The following ZNF287 variants were observed in gnomAD, a reference collection of about 807,000 sequenced individuals.
The protein encoded by ZNF287 is zinc finger protein with KRAB and SCAN domains 13.
ZNF287 carries 31 observed loss-of-function variants against 73.7 expected under a neutral mutation model. The observed-to-expected ratio is 0.42, with a 90% confidence interval of 0.32 to 0.57. ZNF287 has a LOEUF of 0.57. Ranked by LOEUF, ZNF287 falls within the 20% of genes least tolerant of loss-of-function variation. The probability of loss-of-function intolerance (pLI) is 0.13; values close to 1 mark genes in which losing one functional copy is unlikely to be tolerated. For missense variants in ZNF287, 641 were observed against 909.3 expected (o/e 0.70, Z 3.79); for synonymous variants, 301 against 307.2 (o/e 0.98, Z 0.21).
chr17:16,567,959 A>G (rs908998227), intron 1 of ZNF287, 30 bp from the exon 2 acceptor site: 1 of 1,397,896 alleles, frequency 7.2e-7, no homozygotes, highest in Admixed American at 3.1e-5. Context: ...CACAAGGTCA[A>G]GAATCCCTGG....
At chr17:16,561,068 C>A (rs1907424139) in intron 5 of ZNF287, among the ~76,000 whole-genome samples, 1 of 151,942 alleles carries the variant, frequency 6.6e-6, no homozygotes, top group African/African-American at 2.4e-5. Flanking sequence ...GTAATCTCAG[C>A]ACTTTGGGAG....
chr17:16,558,320 G>C (rs947127017), intron 5 of ZNF287: 5 of 150,422 alleles, frequency 3.3e-5, no homozygotes, highest in Non-Finnish European at 5.9e-5. Flanking sequence ...TTTTCTTTGA[G>C]ACAGTCTTAC....
intron 3 of ZNF287, 86 bp downstream of exon 3, chr17:16,566,439 G>T: frequency 9.3e-7 from 1 of 1,080,906 alleles, no homozygotes; most frequent in Non-Finnish European, 1.4e-6. Flanking sequence ...GAGCTTCTGG[G>T]GGCACAGTAG....
chr17:16,550,956 CTGTT>C lies in ZNF287; in HGVS notation c.*896_*899del, dbSNP rs928599658. Among the ~76,000 whole-genome samples the C allele has an allele frequency of 1.5e-4, 23 of 152,250 alleles. No individual in the cohort carries two copies. The highest frequency in any genetic ancestry group is 5.5e-4 in the African/African-American group (23 of 41,544). On this transcript the variant is annotated 3_prime_UTR_variant, in exon 6 of 6. Transcript: ENST00000395825. ...TAAGCTTGAGGCATTTAATTTTTGCCTGTTTAACTAAATCTCTACACATCTAATG... is the reference window on the plus strand; with the variant it reads ...TAAGCTTGAGGCATTTAATTTTTGCCTAACTAAATCTCTACACATCTAATG...
chr17:16,562,954 G>C (rs997210246), intron 5 of ZNF287, among the ~76,000 whole-genome samples, 192 bp downstream of exon 5: 15 of 152,202 alleles, frequency 9.9e-5, no homozygotes, highest in Admixed American at 4.6e-4. Flanking sequence ...GGAAAAGTGT[G>C]TTAACAGTGA....
rs1452608700 is a variant in ZNF287 at position 16,567,544 on chromosome 17, G to A, written c.188C>T (p.Pro63Leu). 1 of 1,614,174 alleles carries A rather than the reference G, an allele frequency of 6.2e-7. No homozygotes were observed. The highest frequency in any genetic ancestry group is 8.5e-7 in the Non-Finnish European group (1 of 1,180,038). ...TCGGAGTTGACTCAATGCCTTTCGA[G>A]GACCAGCCAGGTCTGGGTATGGAAA... ...RNFPYPDLAG[P>L]RKALSQLREL... Residue 63 changes from proline to leucine, a missense_variant, in exon 2 of 6, where the codon CCT becomes CTT. Pro to Leu is a moderately conservative substitution (Grantham distance 98). This residue lies in a region of ZNF287 where 357 missense variants were observed against 442.4 expected (regional missense o/e 0.81). Coordinates refer to ENST00000395825, the MANE Select transcript of ZNF287 (RefSeq NM_020653.4).
intron 5 of ZNF287, among the ~76,000 whole-genome samples, chr17:16,557,315 A>G (rs899035154): frequency 9.9e-5 from 15 of 152,188 alleles, no homozygotes; most frequent in Admixed American, 3.3e-4. Flanking sequence ...GAGGAGATTA[A>G]TGTTGACTCA....
At position 16,560,411 on chromosome 17, in the gene ZNF287, A is replaced by G. The variant is rs1907361146; in HGVS notation, c.715+2735T>C. 4.0e-5 allele frequency among the ~76,000 whole-genome samples: 6 copies of G among 150,046 alleles called. 1 individual carries two copies. Among genetic ancestry groups the G allele is most frequent in the Admixed American group, 1.3e-4 (2 of 15,048 alleles). ...GTTGCCCAGGCTGGAGTGCAGTGGC[A>G]CAATCTTGGCTCACTGCAACCCCCG... On this transcript the variant is annotated intron_variant, in intron 5 of 5. Transcript: ENST00000395825.
intron 5 of ZNF287, among the ~76,000 whole-genome samples, chr17:16,562,555 G>A (rs528091019): frequency 2.0e-5 from 3 of 152,256 alleles, no homozygotes; most frequent in Admixed American, 1.3e-4. Context: ...TTGACATGCT[G>A]TTATGACAGC....
chr17:16,550,169 C>T lies in ZNF287; in HGVS notation c.*1687G>A, dbSNP rs973531488. ...GTTTTCCTTTTGAGACCCACAAACC[C>T]AGTTATCATTGTTTAATGATTACTG... On this transcript the variant is annotated 3_prime_UTR_variant, in exon 6 of 6. Transcript: ENST00000395825. Among the ~76,000 whole-genome samples the T allele has an allele frequency of 2.0e-5, 3 of 152,138 alleles. No homozygotes were observed. Among genetic ancestry groups the T allele is most frequent in the Admixed American group, 2.0e-4 (3 of 15,284 alleles).
At position 16,553,156 on chromosome 17, in the gene ZNF287, A is replaced by G; in HGVS notation, c.986T>C (p.Val329Ala). The stretch of plus-strand genomic sequence containing the variant: ...ATTATCTAATTGGGTATCAAACTGT[A>G]CAATTAGGTTTGAATGCTTTTCAAA... ...NNFEKHSNLI[V>A]QFDTQLDNKT... The change falls in exon 6 of 6, where the codon GTA becomes GCA. Residue 329 changes from valine to alanine, a missense_variant. Coordinates refer to ENST00000395825, the MANE Select transcript of ZNF287 (RefSeq NM_020653.4). 6.2e-7 allele frequency: 1 copy of G among 1,608,732 alleles called. No homozygotes were observed. Among genetic ancestry groups the G allele is most frequent in the Non-Finnish European group, 8.5e-7 (1 of 1,175,116 alleles).
intron 4 of ZNF287, 120 bp downstream of exon 4, chr17:16,563,579 G>A (rs551237631): frequency 2.6e-5 from 31 of 1,178,620 alleles, no homozygotes; most frequent in South Asian, 2.0e-4. Context: ...AGTCACTTTC[G>A]TGCTTGAATG....
chr17:16,560,099 CG>C (rs1907328623), intron 5 of ZNF287, among the ~76,000 whole-genome samples: 1 of 150,882 alleles, frequency 6.6e-6, no homozygotes, highest in Non-Finnish European at 1.5e-5. Flanking sequence ...ACTACAGGCA[CG>C]TGCCACCACA....
In ZNF287 at chr17:16,551,016, A is replaced by G. The variant is rs900364637; in HGVS notation, c.*840T>C. On this transcript the variant is annotated 3_prime_UTR_variant, in exon 6 of 6. Coordinates refer to ENST00000395825, the MANE Select transcript of ZNF287 (RefSeq NM_020653.4). ...TACACATTAGTTTCTATCATAACAT[A>G]TCTTTCATTAAGCTTCTCTTTAATA... Among the ~76,000 whole-genome samples the G allele has an allele frequency of 4.6e-5, 7 of 150,730 alleles. No individual in the cohort carries two copies. Among genetic ancestry groups the G allele is most frequent in the African/African-American group, 1.7e-4 (7 of 40,262 alleles).
intron 5 of ZNF287, among the ~76,000 whole-genome samples, chr17:16,555,939 T>C (rs1030947848): frequency 1.3e-5 from 2 of 152,288 alleles, no homozygotes; most frequent in Non-Finnish European, 2.9e-5. Context: ...AATATATCCA[T>C]TCAATTGAGT....
chr17:16,566,885 A>T (rs919406091), intron 2 of ZNF287, among the ~76,000 whole-genome samples: 6 of 152,232 alleles, frequency 3.9e-5, no homozygotes, highest in Non-Finnish European at 7.3e-5. Context: ...TGTGATATTA[A>T]TTTTGTGAGT....
At chr17:16,557,967 C>T (rs1907185412) in intron 5 of ZNF287, 1 of 152,156 alleles carries the variant, frequency 6.6e-6, no homozygotes, top group African/African-American at 2.4e-5. Flanking sequence ...GTATTCAGAG[C>T]CCAAATTTGT....
At position 16,567,762 on chromosome 17, in the gene ZNF287, A is replaced by G. The variant is rs1275718514; in HGVS notation, c.-31T>C. The G allele has an allele frequency of 6.3e-7, 1 of 1,575,234 alleles. No individual in the cohort carries two copies. The highest frequency in any genetic ancestry group is 1.8e-5 in the Admixed American group (1 of 56,418). On this transcript the variant is annotated 5_prime_UTR_variant, in exon 2 of 6. Transcript: ENST00000395825. The stretch of plus-strand genomic sequence containing the variant: ...CAGACAGGAGAGTCAATCTGGCAAT[A>G]TCCTTTATTTCTCCAGTAGTGAGCC...
chr17:16,563,175 A>G lies in ZNF287; in HGVS notation c.686T>C (p.Ile229Thr), dbSNP rs769319631. 4.3e-6 allele frequency: 7 copies of G among 1,613,774 alleles called. No homozygotes were observed. The South Asian group carries it at 7.7e-5, about 18-fold the overall frequency. ...IPILEEPWMVIKEILEGPSPE... is the reference protein window; with the variant it reads ...IPILEEPWMVTKEILEGPSPE... ...ACTAGGGCCTTCTAAAATTTCTTTT[A>G]TCACCATCCATGGTTCTTCCAATAT... Residue 229 changes from isoleucine (I) to threonine (T), a missense_variant, in exon 5 of 6, where the codon ATA becomes ACA. Transcript: ENST00000395825.
Sources: allele counts gnomAD v4.1 joint callset (sites outside exome capture counted in the v4.1 genomes callset), GRCh38; gene constraint gnomAD v4.1.1; regional missense constraint gnomAD v4.1.1; transcripts MANE v1.5; gene names NCBI Gene and HGNC (gene_info 2026-07-23, HGNC 2026-07-21).